VTI1A: variants seen among roughly 807,000 people sequenced by gnomAD.
VTI1A encodes the protein vesicle transport through interaction with t-SNAREs homolog 1A.
Under a neutral mutation model 34.9 loss-of-function variants are expected in VTI1A, and 22 were observed. The observed-to-expected ratio is 0.63, with a 90% CI of 0.45 to 0.90. The LOEUF (loss-of-function observed/expected upper bound fraction) is 0.90, where lower values mean the gene tolerates loss of function less well. VTI1A is among the 40% of genes least tolerant of loss of function. The pLI is 0.00. For synonymous variants in VTI1A, 87 were observed against 97.3 expected, an observed-to-expected ratio of 0.89 and a Z score of 0.62; for missense variants, 268 against 275.6, an observed-to-expected ratio of 0.97 and a Z score of 0.20.
At chr10:112,625,364 G>A (rs1383398570) in intron 5 of VTI1A, among the ~76,000 whole-genome samples, 4 of 152,104 alleles carry the variant, frequency 2.6e-5, no homozygotes, top group Non-Finnish European at 4.4e-5. Flanking sequence ...CAGGCCGGGC[G>A]CGGCGGCTTC....
At chr10:112,542,972 C>G (rs1850925971) in intron 5 of VTI1A, among the ~76,000 whole-genome samples, 1 of 152,184 alleles carries the variant, frequency 6.6e-6, no homozygotes, top group African/African-American at 2.4e-5. Flanking sequence ...ATGATGGTTT[C>G]AAGCTTCATC....
At chr10:112,773,237 A>G (rs1335894516) in intron 7 of VTI1A, among the ~76,000 whole-genome samples, 2 of 152,218 alleles carry the variant, frequency 1.3e-5, no homozygotes, top group African/African-American at 4.8e-5. Flanking sequence ...AGGTAGGATA[A>G]TAATACCAAG....
the VTI1A span, chr10:112,824,786 G>C: frequency 6.6e-6 from 1 of 152,274 alleles, no homozygotes; most frequent in East Asian, 1.9e-4. Context: ...CCAGACCTCG[G>C]TTTCCTCATC....
intron 3 of VTI1A, among the ~76,000 whole-genome samples, chr10:112,496,201 C>G (rs1029943363): frequency 1.8e-5 from 2 of 112,346 alleles, no homozygotes; most frequent in African/African-American, 3.2e-5. Flanking sequence ...CCCCCCCCCC[C>G]GCCGTCTCTA....
chr10:112,451,578 A>G (rs1056629460), intron 1 of VTI1A, among the ~76,000 whole-genome samples: 14 of 152,226 alleles, frequency 9.2e-5, no homozygotes, highest in African/African-American at 3.1e-4. Flanking sequence ...TCAGGATCCC[A>G]AGGGGGGCAG....
intron 5 of VTI1A, among the ~76,000 whole-genome samples, chr10:112,590,669 G>A (rs544477806): frequency 7.9e-5 from 12 of 152,156 alleles, no homozygotes; most frequent in South Asian, 2.1e-4. Context: ...GTGACAGAGC[G>A]AGACCCTGTC....
intron 3 of VTI1A, among the ~76,000 whole-genome samples, chr10:112,526,740 A>G (rs981561330): frequency 6.6e-6 from 1 of 152,106 alleles, no homozygotes; most frequent in East Asian, 1.9e-4. Context: ...TGTCTTAAGT[A>G]CAATCTAGTG....
chr10:112,780,075 G>A (rs1053591727), intron 7 of VTI1A, among the ~76,000 whole-genome samples: 5 of 147,168 alleles, frequency 3.4e-5, no homozygotes, highest in African/African-American at 1.0e-4. Flanking sequence ...CCAGGCATTC[G>A]AGACCAGTCT....
At chr10:112,803,315 G>T (rs1034060440) in intron 7 of VTI1A, among the ~76,000 whole-genome samples, 1 of 152,138 alleles carries the variant, frequency 6.6e-6, no homozygotes. Flanking sequence ...TGATCCACCC[G>T]CCTTGGCCTC....
intron 7 of VTI1A, among the ~76,000 whole-genome samples, chr10:112,813,079 G>C (rs1286619917): frequency 1.3e-5 from 2 of 152,216 alleles, no homozygotes; most frequent in East Asian, 3.9e-4. Flanking sequence ...GGGTGGTAGA[G>C]GTGAATTCCA....
At chr10:112,805,474 G>C (rs1853042705) in intron 7 of VTI1A, among the ~76,000 whole-genome samples, 1 of 152,212 alleles carries the variant, frequency 6.6e-6, no homozygotes, top group Admixed American at 6.5e-5. Context: ...AGTCCCCAAA[G>C]CCTAAAATGT....
At chr10:112,473,774 G>A (rs1268494542) in intron 3 of VTI1A, among the ~76,000 whole-genome samples, 1 of 152,004 alleles carries the variant, frequency 6.6e-6, no homozygotes, top group Non-Finnish European at 1.5e-5. Context: ...AAAATCTTAG[G>A]TAGACCAGGA....
chr10:112,574,181 CACATGATTGGAAGCTGTTT>C (rs1367444175), intron 5 of VTI1A, among the ~76,000 whole-genome samples: 1 of 152,126 alleles, frequency 6.6e-6, no homozygotes, highest in East Asian at 1.9e-4. Flanking sequence ...TGAGGAGTGG[CACATGATTGGAAGCTGTTT>C]ATTACTTCAA....
intron 4 of VTI1A, among the ~76,000 whole-genome samples, chr10:112,537,311 G>GTATATATATATATATA (rs10682533): frequency 0.097 from 6,217 of 64,114 alleles, 1,252 homozygotes; most frequent in Non-Finnish European, 0.14. Flanking sequence ...AAGTATCTAG[G>GTATATATATATATATA]TATATATATA....
At chr10:112,596,357 T>C (rs1035183561) in intron 5 of VTI1A, among the ~76,000 whole-genome samples, 1 of 152,122 alleles carries the variant, frequency 6.6e-6, no homozygotes, top group Non-Finnish European at 1.5e-5. Flanking sequence ...ATGAAGACTT[T>C]TTTATTTTAC....
chr10:112,552,249 A>G (rs1027441306), intron 5 of VTI1A, among the ~76,000 whole-genome samples: 15 of 152,220 alleles, frequency 9.9e-5, no homozygotes, highest in Admixed American at 2.6e-4. Flanking sequence ...GATCCCCTGA[A>G]TATTTCCCCA....
chr10:112,774,019 C>G (rs975603080), intron 7 of VTI1A, among the ~76,000 whole-genome samples: 2 of 152,144 alleles, frequency 1.3e-5, no homozygotes, highest in African/African-American at 2.4e-5. Flanking sequence ...AAGAAGACAG[C>G]TAGGGGTCAG....
the VTI1A span, among the ~76,000 whole-genome samples, chr10:112,830,849 A>ATATATATATATATATATATATATTTTTTT: frequency 2.4e-4 from 8 of 33,492 alleles, no homozygotes; most frequent in South Asian, 3.2e-3. Flanking sequence ...ATATATATAT[A>ATATATATATATATATATATATATTTTTTT]TTTTTTTTTT....
chr10:112,668,328 A>G, intron 6 of VTI1A, 40 bp downstream of exon 6: 1 of 1,594,084 alleles, frequency 6.3e-7, no homozygotes, highest in South Asian at 1.1e-5. Flanking sequence ...TATTCAGTAA[A>G]TGAAGACATA....
Sources: gnomAD v4.1 joint callset for allele counts (sites outside exome capture counted in the v4.1 genomes callset) on GRCh38, gnomAD v4.1.1 for gene constraint, MANE v1.5 for transcripts, NCBI Gene and HGNC (gene_info 2026-07-23, HGNC 2026-07-21) for gene names.